The following CPNE8 variants were observed in gnomAD, a reference collection of about 807,000 sequenced individuals.
The protein encoded by CPNE8 is copine 8, also known as copine-8.
In CPNE8, 45 loss-of-function variants were observed where a neutral mutation model predicts 81.5. The ratio of observed to expected loss-of-function variants is 0.55; its 90% CI spans 0.44 to 0.71. The LOEUF (loss-of-function observed/expected upper bound fraction) is 0.71, where lower values mean the gene tolerates loss of function less well. Among genes scored for constraint, CPNE8 ranks in the 30% least tolerant of loss-of-function variants. The pLI is 0.00. For missense variants in CPNE8, 594 were observed against 672.1 expected, an observed-to-expected ratio of 0.88 and a Z score of 1.28; for synonymous variants, 252 against 226.3, an observed-to-expected ratio of 1.11 and a Z score of -1.02.
intron 5 of CPNE8, among the ~76,000 whole-genome samples, chr12:38,830,587 A>G (rs1943269521): frequency 6.6e-6 from 1 of 152,206 alleles, no homozygotes; most frequent in African/African-American, 2.4e-5. Context: ...AAGGTGAGAG[A>G]TCTCTCTAAA....
chr12:38,899,365 C>T (rs577681006), intron 1 of CPNE8, among the ~76,000 whole-genome samples: 45 of 152,192 alleles, frequency 3.0e-4, no homozygotes, highest in African/African-American at 1.1e-3. Flanking sequence ...CAGTGAGAAG[C>T]TGGCAGCCTG....
chr12:38,698,816 A>C (rs1939859861), intron 14 of CPNE8, among the ~76,000 whole-genome samples: 1 of 152,240 alleles, frequency 6.6e-6, no homozygotes, highest in African/African-American at 2.4e-5. Context: ...AAGTTTTAAA[A>C]GTGAGAAATG....
chr12:38,861,132 C>T (rs1056459162), intron 3 of CPNE8, among the ~76,000 whole-genome samples: 1 of 152,082 alleles, frequency 6.6e-6, no homozygotes, highest in East Asian at 1.9e-4. Flanking sequence ...ATAAACAAGT[C>T]ACAGAAGGAC....
chr12:38,880,150 C>A (rs567468339), intron 1 of CPNE8, among the ~76,000 whole-genome samples: 1 of 152,284 alleles, frequency 6.6e-6, no homozygotes, highest in African/African-American at 2.4e-5. Flanking sequence ...GGACAGAGAC[C>A]AGTATCTCTG....
chr12:38,717,305 A>G (rs2136725800), intron 13 of CPNE8, among the ~76,000 whole-genome samples: 1 of 151,512 alleles, frequency 6.6e-6, no homozygotes, highest in African/African-American at 2.4e-5. Context: ...CCCAGAGGAA[A>G]AGAAGCCATT....
intron 1 of CPNE8, among the ~76,000 whole-genome samples, chr12:38,878,714 C>T (rs546787723): frequency 1.4e-4 from 21 of 152,310 alleles, no homozygotes; most frequent in African/African-American, 4.1e-4. Flanking sequence ...AAAATTGTAT[C>T]TCATGCTTGT....
intron 6 of CPNE8, among the ~76,000 whole-genome samples, chr12:38,802,319 C>T (rs1373019997): frequency 5.8e-5 from 2 of 34,236 alleles, no homozygotes; most frequent in African/African-American, 9.7e-5. Flanking sequence ...TCTCAGACCA[C>T]AGTGCAATCA....
intron 6 of CPNE8, among the ~76,000 whole-genome samples, chr12:38,820,493 C>T (rs371014072): frequency 6.6e-6 from 1 of 152,026 alleles, no homozygotes; most frequent in East Asian, 1.9e-4. Flanking sequence ...TTCTTAGTGT[C>T]ACCCAAATAA....
intron 6 of CPNE8, among the ~76,000 whole-genome samples, chr12:38,784,993 G>A (rs145938399): frequency 0.012 from 1,781 of 152,194 alleles, 13 homozygotes; most frequent in Admixed American, 0.018. Flanking sequence ...TCAGGTGTTT[G>A]AGACCAGCCT....
chr12:38,755,741 A>G (rs1051576781), intron 10 of CPNE8, among the ~76,000 whole-genome samples: 6 of 152,168 alleles, frequency 3.9e-5, no homozygotes, highest in Non-Finnish European at 8.8e-5. Context: ...ATGTGTTTCA[A>G]TAAAAAGAAC....
At chr12:38,861,757 T>A (rs1252384807) in intron 3 of CPNE8, among the ~76,000 whole-genome samples, 1 of 152,188 alleles carries the variant, frequency 6.6e-6, no homozygotes, top group African/African-American at 2.4e-5. Context: ...GTTATCAACA[T>A]GCAAGAACTA....
chr12:38,906,447 C>T (rs898474487), upstream of CPNE8: 7 of 985,616 alleles, frequency 7.1e-6, no homozygotes, highest in Middle Eastern at 5.2e-4. Context: ...CGACATTCCT[C>T]CTACAGTAAG....
At chr12:38,771,515 T>C (rs1941802924) in intron 7 of CPNE8, among the ~76,000 whole-genome samples, 1 of 152,156 alleles carries the variant, frequency 6.6e-6, no homozygotes, top group Admixed American at 6.5e-5. Context: ...ATTTCTAAAC[T>C]ACATTAGTTT....
intron 8 of CPNE8, among the ~76,000 whole-genome samples, chr12:38,763,003 C>T (rs2136855388): frequency 6.6e-6 from 1 of 152,270 alleles, no homozygotes; most frequent in Non-Finnish European, 1.5e-5. Flanking sequence ...GGATTACAGG[C>T]GCCTGCCACT....
At chr12:38,732,058 G>A (rs1188545521) in intron 10 of CPNE8, among the ~76,000 whole-genome samples, 4 of 151,924 alleles carry the variant, frequency 2.6e-5, no homozygotes, top group African/African-American at 4.8e-5. Context: ...AGTTGTAGAG[G>A]AGGCTTATAT....
At chr12:38,833,850 A>AAC (rs1943339308) in intron 5 of CPNE8, among the ~76,000 whole-genome samples, 4 of 152,180 alleles carry the variant, frequency 2.6e-5, no homozygotes, top group African/African-American at 9.7e-5. Flanking sequence ...AAGTCCTTGC[A>AAC]GTTATCTATT....
chr12:38,789,633 G>A (rs566666666), intron 6 of CPNE8, among the ~76,000 whole-genome samples: 1 of 151,628 alleles, frequency 6.6e-6, no homozygotes, highest in Non-Finnish European at 1.5e-5. Flanking sequence ...CACAGCATAG[G>A]AAACAATCAA....
intron 10 of CPNE8, among the ~76,000 whole-genome samples, chr12:38,748,226 G>A (rs1469383002): frequency 2.6e-5 from 4 of 151,748 alleles, no homozygotes; most frequent in Non-Finnish European, 4.4e-5. Context: ...GGCCAGGCTG[G>A]TCTCCAATTC....
chr12:38,691,966 A>G (rs2136670409), intron 15 of CPNE8, among the ~76,000 whole-genome samples: 1 of 152,250 alleles, frequency 6.6e-6, no homozygotes, highest in Middle Eastern at 3.4e-3. Flanking sequence ...CCACAGCAAT[A>G]TCTAACCTAT....
Sources: gnomAD v4.1 joint callset for allele counts (sites outside exome capture counted in the v4.1 genomes callset) on GRCh38, gnomAD v4.1.1 for gene constraint, MANE v1.5 for transcripts, NCBI Gene and HGNC (gene_info 2026-07-23, HGNC 2026-07-21) for gene names.